Variants in NEMP2 observed in about 807,000 individuals in gnomAD.
NEMP2 encodes UPF0571 transmembrane protein.
NEMP2 carries 53 observed loss-of-function variants against 54.2 expected under a neutral mutation model. The ratio of observed to expected loss-of-function variants is 0.98; its 90% CI spans 0.78 to 1.23. The LOEUF is 1.23. NEMP2 is among the 50% of genes most tolerant of loss of function. The pLI is 0.00. For synonymous variants in NEMP2, 197 were observed against 190.3 expected (o/e 1.04, Z -0.29); for missense variants, 455 against 511.3 (o/e 0.89, Z 1.06).
rs1190454959 is a variant in NEMP2, at chr2:190,525,705, T to C, written c.98-327A>G. On this transcript the variant is annotated intron_variant, in intron 1 of 8. Transcript: ENST00000409150. The surrounding 1 kb of genome is among the most constrained non-coding windows in gnomAD (Gnocchi z 5.0). ...ATGAGTAAAGGGCTGAAGGGCAAGG[T>C]AGAGGCAATAAGACAGAAACTAGGA... 2.0e-5 allele frequency among the ~76,000 whole-genome samples: 3 copies of C among 151,904 alleles called. No individual in the cohort carries two copies. Among genetic ancestry groups the C allele is most frequent in the Non-Finnish European group, 2.9e-5 (2 of 67,960 alleles).
At chr2:190,613,204 GA>G in the NEMP2 span, among the ~76,000 whole-genome samples, 1 of 152,080 alleles carries the variant, frequency 6.6e-6, no homozygotes, top group African/African-American at 2.4e-5. Context: ...TTGAAACAGA[GA>G]TGATAACAGT....
the NEMP2 span, among the ~76,000 whole-genome samples, chr2:190,459,466 A>G: frequency 6.6e-6 from 1 of 152,154 alleles, no homozygotes; most frequent in Non-Finnish European, 1.5e-5. This position sits in a 1 kb window ranked among gnomAD's most constrained non-coding sequence, Gnocchi z 5.3. Flanking sequence ...TTTTTAAACA[A>G]AATTGTAGGG....
the NEMP2 span, among the ~76,000 whole-genome samples, chr2:190,647,244 A>T: frequency 6.6e-6 from 1 of 152,254 alleles, no homozygotes; most frequent in Admixed American, 6.5e-5. Flanking sequence ...CTAATACTGA[A>T]GAAAAAGATT....
chr2:190,464,929 T>A, the NEMP2 span: 1 of 982,922 alleles, frequency 1.0e-6, no homozygotes, highest in Admixed American at 6.2e-5. Context: ...GAGGGTGGAT[T>A]TAGCCATATT....
chr2:190,469,723 T>TA, the NEMP2 span: 6 of 1,202,864 alleles, frequency 5.0e-6, no homozygotes, highest in South Asian at 4.2e-5. This position sits in a 1 kb window ranked among gnomAD's most constrained non-coding sequence, Gnocchi z 5.3. Flanking sequence ...CCTTTGCTTT[T>TA]TTTTATTTTA....
the NEMP2 span, chr2:190,641,446 T>C: frequency 4.6e-5 from 7 of 152,390 alleles, 1 homozygote; most frequent in African/African-American, 1.7e-4. Context: ...GCTGGGTCCT[T>C]TGGCTGCAGT....
the NEMP2 span, among the ~76,000 whole-genome samples, chr2:190,639,565 T>C: frequency 6.6e-6 from 1 of 152,212 alleles, no homozygotes; most frequent in Non-Finnish European, 1.5e-5. Flanking sequence ...AAACTGCTTT[T>C]GAAGCAGGAT....
the NEMP2 span, chr2:190,498,131 G>T: frequency 1.2e-5 from 2 of 165,856 alleles, no homozygotes; most frequent in African/African-American, 4.8e-5. This position sits in a 1 kb window ranked among gnomAD's most constrained non-coding sequence, Gnocchi z 5.9. Context: ...GTATGGGTCT[G>T]ATAGGACACC....
the NEMP2 span, among the ~76,000 whole-genome samples, chr2:190,545,363 T>C: frequency 2.0e-5 from 3 of 152,138 alleles, no homozygotes; most frequent in South Asian, 2.1e-4. Flanking sequence ...TTCTCTTTTT[T>C]CCCCCCACTG....
chr2:190,638,697 G>T, the NEMP2 span, among the ~76,000 whole-genome samples: 1 of 152,204 alleles, frequency 6.6e-6, no homozygotes, highest in Non-Finnish European at 1.5e-5. This position sits in a 1 kb window ranked among gnomAD's most constrained non-coding sequence, Gnocchi z 5.7. Context: ...GATACCTGGG[G>T]AAGGGGTGAG....
At chr2:190,605,005 T>C in the NEMP2 span, among the ~76,000 whole-genome samples, 120,186 of 152,030 alleles carry the variant, frequency 0.79, 47,706 homozygotes, top group South Asian at 0.83. Context: ...TTCAGTTGGT[T>C]GCCAAGTCCT....
chr2:190,616,954 A>C, the NEMP2 span: 1 of 152,004 alleles, frequency 6.6e-6, no homozygotes, highest in Non-Finnish European at 1.5e-5. This position sits in a 1 kb window ranked among gnomAD's most constrained non-coding sequence, Gnocchi z 5.1. Context: ...ACTAAAATTA[A>C]AAAGAAAAAT....
the NEMP2 span, among the ~76,000 whole-genome samples, chr2:190,579,589 C>G: frequency 6.6e-6 from 1 of 152,222 alleles, no homozygotes; most frequent in Middle Eastern, 3.4e-3. Flanking sequence ...AATCAATACA[C>G]AAAATGACCA....
At chr2:190,580,472 C>G in the NEMP2 span, among the ~76,000 whole-genome samples, 1 of 152,088 alleles carries the variant, frequency 6.6e-6, no homozygotes, top group Non-Finnish European at 1.5e-5. The surrounding 1 kb of genome is among the most constrained non-coding windows in gnomAD (Gnocchi z 5.3). Flanking sequence ...TTGTTTTGGT[C>G]CCGTCTTCCC....
chr2:190,540,594 A>G, the NEMP2 span, among the ~76,000 whole-genome samples: 1 of 152,278 alleles, frequency 6.6e-6, no homozygotes, highest in Admixed American at 6.5e-5. Flanking sequence ...CATACCCAGC[A>G]TGCATGATCT....
the NEMP2 span, among the ~76,000 whole-genome samples, chr2:190,577,958 C>T: frequency 6.6e-6 from 1 of 152,164 alleles, no homozygotes; most frequent in Admixed American, 6.5e-5. This position sits in a 1 kb window ranked among gnomAD's most constrained non-coding sequence, Gnocchi z 4.8. Flanking sequence ...CCAATACATT[C>T]TATATTTTAT....
Position 190,533,871 on chromosome 2 carries a change from C to T in NEMP2, c.97+688G>A. On this transcript the variant is annotated intron_variant, in intron 1 of 8. Transcript: ENST00000409150. The surrounding 1 kb of genome is among the most constrained non-coding windows in gnomAD (Gnocchi z 4.3). ...TTCTGACTTCCCCAGGTGTCCTTCC[C>T]AGATCCTTCCCCAGTGTGCCAGCAT... is the stretch of plus-strand genomic sequence containing the variant. The T allele has an allele frequency of 1.5e-6, 1 of 651,712 alleles. No individual in the cohort carries two copies. The highest frequency in any genetic ancestry group is 1.9e-6 in the Non-Finnish European group (1 of 524,690). 40.4% of individuals were successfully genotyped at this position (651,712 alleles called of 1,614,324 possible).
chr2:190,567,261 A>T, the NEMP2 span, among the ~76,000 whole-genome samples: 5 of 152,098 alleles, frequency 3.3e-5, no homozygotes, highest in African/African-American at 1.2e-4. This position sits in a 1 kb window ranked among gnomAD's most constrained non-coding sequence, Gnocchi z 4.0. Flanking sequence ...CCAAAAGATG[A>T]GTAGATTAAC....
the NEMP2 span, among the ~76,000 whole-genome samples, chr2:190,459,555 T>C: frequency 6.6e-6 from 1 of 152,220 alleles, no homozygotes; most frequent in Non-Finnish European, 1.5e-5. This position sits in a 1 kb window ranked among gnomAD's most constrained non-coding sequence, Gnocchi z 5.3. Context: ...GTCTTCTAAG[T>C]GGTTGGGTTC....
Sources: allele counts gnomAD v4.1 joint callset (sites outside exome capture counted in the v4.1 genomes callset), GRCh38; gene constraint gnomAD v4.1.1; non-coding constraint Gnocchi (gnomAD v3.1); transcripts MANE v1.5; gene names NCBI Gene and HGNC (gene_info 2026-07-23, HGNC 2026-07-21).